Variants in IRAK1BP1 observed in about 807,000 individuals in gnomAD.
IRAK1BP1 encodes interleukin-1 receptor-associated kinase 1-binding protein 1.
A neutral mutation model predicts 28.0 loss-of-function variants in IRAK1BP1; 24 were observed. That is an observed-to-expected ratio of 0.86 (90% confidence interval 0.62 to 1.20). The LOEUF (loss-of-function observed/expected upper bound fraction) is 1.20, where lower values mean the gene tolerates loss of function less well. IRAK1BP1 is among the 50% of genes most tolerant of loss of function. The pLI is 0.00. For synonymous variants in IRAK1BP1, 131 were observed against 116.3 expected (o/e 1.13, Z -0.81); for missense variants, 336 against 316.7 (o/e 1.06, Z -0.46).
the IRAK1BP1 span, among the ~76,000 whole-genome samples, chr6:78,977,223 G>A: frequency 7.1e-4 from 107 of 151,196 alleles, no homozygotes; most frequent in Non-Finnish European, 1.2e-3. Flanking sequence ...CATGTCCTTT[G>A]TAGGGACATG....
chr6:78,941,028 G>C lies in IRAK1BP1; in HGVS notation c.*68-4380G>C, dbSNP rs1773474834. On this transcript the variant is annotated intron_variant and NMD_transcript_variant, in intron 4 of 4. Transcript: ENST00000606868. ...TTCCTTTTGGGCTTCCTACCTCCAC[G>C]ATTCTTTTTCTGTAACAAATCTTCC... 2 of 1,613,684 alleles carry C rather than the reference G, an allele frequency of 1.2e-6. No homozygotes were observed. The highest frequency in any genetic ancestry group is 8.5e-7 in the Non-Finnish European group (1 of 1,179,770).
At chr6:78,894,523 A>G (rs1445718113) in intron 2 of IRAK1BP1, among the ~76,000 whole-genome samples, 2 of 152,230 alleles carry the variant, frequency 1.3e-5, no homozygotes, top group Non-Finnish European at 2.9e-5. Flanking sequence ...AAGAGGACAT[A>G]CAGCACTAAA....
downstream of IRAK1BP1, among the ~76,000 whole-genome samples, chr6:78,951,162 CA>C (rs1453079157): frequency 6.6e-6 from 1 of 152,068 alleles, no homozygotes; most frequent in East Asian, 1.9e-4. Context: ...ATTGGCTTTA[CA>C]AACTTTGTGG....
chr6:78,963,015 ATTT>A, the IRAK1BP1 span: 2 of 1,347,960 alleles, frequency 1.5e-6, no homozygotes, highest in Non-Finnish European at 2.0e-6. Flanking sequence ...GTGAAAAAAA[ATTT>A]TTGTTGGAGA....
intron 4 of IRAK1BP1, among the ~76,000 whole-genome samples, chr6:78,944,076 A>G (rs1773667660): frequency 6.6e-6 from 1 of 151,670 alleles, no homozygotes; most frequent in Admixed American, 6.6e-5. Context: ...CGATATTTTA[A>G]GTGAGACGTG....
intron 1 of IRAK1BP1, 124 bp downstream of exon 1, chr6:78,868,015 T>A: frequency 9.5e-7 from 1 of 1,056,752 alleles, no homozygotes; most frequent in Non-Finnish European, 1.3e-6. Context: ...TTAGGACGCG[T>A]TTGTTGCAAA....
At chr6:78,922,359 A>T (rs904827819) in intron 4 of IRAK1BP1, among the ~76,000 whole-genome samples, 13 of 152,224 alleles carry the variant, frequency 8.5e-5, no homozygotes, top group African/African-American at 3.1e-4. Context: ...TGAAGAGAGA[A>T]GAGAAGTTTA....
intron 2 of IRAK1BP1, among the ~76,000 whole-genome samples, chr6:78,895,817 G>C (rs1267856888): frequency 6.6e-6 from 1 of 152,080 alleles, no homozygotes; most frequent in Admixed American, 6.5e-5. Context: ...TTGTGCCTAC[G>C]ATCAGGTACA....
chr6:78,910,623 G>A (rs1464003215), intron 4 of IRAK1BP1, among the ~76,000 whole-genome samples: 1 of 152,276 alleles, frequency 6.6e-6, no homozygotes, highest in African/African-American at 2.4e-5. Context: ...CCGGGCAGAA[G>A]GGCGCATTCT....
rs1417048618 is a variant in IRAK1BP1 at position 78,914,810 on chromosome 6, GTTTTGTTTTTA to G, written c.*67+11711_*67+11721del. 9.2e-5 allele frequency among the ~76,000 whole-genome samples: 14 copies of G among 151,992 alleles called. No individual in the cohort carries two copies. The South Asian group carries it at 1.5e-3, about 16-fold the overall frequency. On this transcript the variant is annotated intron_variant and NMD_transcript_variant, in intron 4 of 4. Coordinates refer to the IRAK1BP1 transcript ENST00000606868. ...TAACAAGTTACAGGTTTTTGGTTTT[GTTTTGTTTTTA>G]TTTTGTTTTTGTTTTTTGAGATGGA...
At chr6:78,961,634 T>C in the IRAK1BP1 span, 6 of 1,580,188 alleles carry the variant, frequency 3.8e-6, no homozygotes, top group Non-Finnish European at 3.5e-6. Flanking sequence ...GATCAGTAAA[T>C]GGGTGGAAAG....
At chr6:78,919,674 A>G (rs1772666198) in intron 4 of IRAK1BP1, among the ~76,000 whole-genome samples, 1 of 152,174 alleles carries the variant, frequency 6.6e-6, no homozygotes, top group Admixed American at 6.5e-5. Flanking sequence ...GATCAATATT[A>G]AGTTCCAAAA....
chr6:78,891,230 A>T (rs1771649334), intron 2 of IRAK1BP1, among the ~76,000 whole-genome samples: 1 of 152,222 alleles, frequency 6.6e-6, no homozygotes, highest in African/African-American at 2.4e-5. Flanking sequence ...ACTAGAAGAA[A>T]AGAAATGCAA....
At chr6:78,973,918 T>C in the IRAK1BP1 span, among the ~76,000 whole-genome samples, 2 of 151,538 alleles carry the variant, frequency 1.3e-5, no homozygotes, top group African/African-American at 4.9e-5. Context: ...CTCCCACACA[T>C]TAATAATGGG....
At chr6:78,932,421 C>CTT (rs386407659) in intron 4 of IRAK1BP1, among the ~76,000 whole-genome samples, 42,364 of 123,530 alleles carry the variant, frequency 0.34, 8,166 homozygotes, top group East Asian at 0.66. Flanking sequence ...CTTTCTTTTT[C>CTT]TTTTTTTTTT....
At chr6:78,959,877 G>A in the IRAK1BP1 span, among the ~76,000 whole-genome samples, 3 of 152,150 alleles carry the variant, frequency 2.0e-5, no homozygotes, top group African/African-American at 4.8e-5. Flanking sequence ...AAATGCATGC[G>A]ATATACTTAA....
chr6:78,897,992 C>T, intron 3 of IRAK1BP1, 33 bp downstream of exon 3: 1 of 1,610,556 alleles, frequency 6.2e-7, no homozygotes, highest in Non-Finnish European at 8.5e-7. Context: ...CTAAGATATT[C>T]TTTAAACAAA....
At chr6:78,904,263 C>T (rs1772202759), downstream of IRAK1BP1, among the ~76,000 whole-genome samples, 1 of 152,190 alleles carries the variant, frequency 6.6e-6, no homozygotes, top group Admixed American at 6.5e-5. Flanking sequence ...GTAAACAAGC[C>T]TCTTAAATCA....
intron 2 of IRAK1BP1, among the ~76,000 whole-genome samples, chr6:78,886,274 A>C (rs1771430882): frequency 6.6e-6 from 1 of 152,156 alleles, no homozygotes; most frequent in Admixed American, 6.5e-5. Flanking sequence ...AGGTCATATA[A>C]CAAGAATTAG....
Sources: allele counts gnomAD v4.1 joint callset (sites outside exome capture counted in the v4.1 genomes callset), GRCh38; gene constraint gnomAD v4.1.1; transcripts MANE v1.5; gene names NCBI Gene and HGNC (gene_info 2026-07-23, HGNC 2026-07-21).